Variants in RYR1 observed in about 807,000 individuals in gnomAD.
RYR1 encodes the protein central core disease of muscle.
RYR1 carries 342 observed loss-of-function variants against 583.5 expected under a neutral mutation model. The ratio of observed to expected loss-of-function variants is 0.59; its 90% CI spans 0.54 to 0.64. The LOEUF is 0.64. Among genes scored for constraint, RYR1 ranks in the 30% least tolerant of loss-of-function variants. The pLI is 0.00. For missense variants in RYR1, 6,032 were observed against 6,917.2 expected (o/e 0.87, Z 4.54); for synonymous variants, 2,791 against 2,822.5 (o/e 0.99, Z 0.35).
At position 38,528,391 on chromosome 19, in the gene RYR1, G is replaced by A. The variant is rs747528384; in HGVS notation, c.10910G>A (p.Arg3637His). Reference sequence around the variant, plus strand: ...CGGCGGGCAGTCGTGGCCTGTTTCCGTATGACGCCCCTGTACAACCTGCCC... The same window carrying A: ...CGGCGGGCAGTCGTGGCCTGTTTCCATATGACGCCCCTGTACAACCTGCCC... ...QRRRAVVACF[R>H]MTPLYNLPTH... is the part of the protein sequence containing the mutation. The change falls in exon 74 of 106, where the codon CGT (arginine) becomes CAT (histidine). Residue 3637 changes from arginine to histidine, a missense_variant. Physicochemically the swap from Arg to His is conservative, Grantham distance 29 (BLOSUM62 0). Around this residue, in one of 11 missense-constraint regions of RYR1, gnomAD observed 1,493 missense variants for 1,715.5 expected, o/e 0.87. Coordinates refer to ENST00000359596, the MANE Select transcript of RYR1 (RefSeq NM_000540.3). 5.0e-6 allele frequency: 8 copies of A among 1,614,142 alleles called. No homozygotes were observed. The highest frequency in any genetic ancestry group is 2.2e-5 in the East Asian group (1 of 44,880).
chr19:38,585,302 GA>G (rs1182806614), intron 102 of RYR1, among the ~76,000 whole-genome samples: 1 of 151,464 alleles, frequency 6.6e-6, no homozygotes, highest in Non-Finnish European at 1.5e-5. Context: ...CATAGGTTGT[GA>G]TCAGGATTAA....
Position 38,517,374 on chromosome 19 carries a change from A to G in RYR1, c.9701A>G (p.Asn3234Ser), listed in dbSNP as rs539829239. Reference sequence around the variant, plus strand: ...TGTACCCCAGTCCTGGGGCTCCCCAACAGTGTGGAGGAGATGTGTCCCGAC... The same window carrying G: ...TGTACCCCAGTCCTGGGGCTCCCCAGCAGTGTGGAGGAGATGTGTCCCGAC... ...PRERAILGLP[N>S]SVEEMCPDIP... Residue 3234 changes from asparagine (N) to serine (S), a missense_variant, in exon 66 of 106, where the codon AAC becomes AGC. Physicochemically the swap from Asn to Ser is conservative, Grantham distance 46. Around this residue, in one of 11 missense-constraint regions of RYR1, gnomAD observed 1,493 missense variants for 1,715.5 expected, o/e 0.87. Coordinates refer to ENST00000359596, the MANE Select transcript of RYR1 (RefSeq NM_000540.3). 1.7e-5 allele frequency: 27 copies of G among 1,613,790 alleles called. No homozygotes were observed. In the East Asian group the frequency reaches 3.1e-4, roughly 19 times the overall value.
intron 65 of RYR1, 55 bp downstream of exon 65, chr19:38,516,272 G>A (rs1005596069): frequency 6.5e-7 from 1 of 1,537,574 alleles, no homozygotes; most frequent in Non-Finnish European, 8.8e-7. Context: ...CCAGCACAGG[G>A]CCTTGGGGAG....
intron 20 of RYR1, 138 bp from the exon 21 acceptor site, chr19:38,463,285 G>T: frequency 1.4e-6 from 1 of 711,362 alleles, no homozygotes. Context: ...GCGAGGGATG[G>T]GGAGCAGGGC....
intron 99 of RYR1, among the ~76,000 whole-genome samples, 181 bp from the exon 100 acceptor site, chr19:38,579,801 G>T (rs1221711826): frequency 6.6e-6 from 1 of 151,936 alleles, no homozygotes; most frequent in Non-Finnish European, 1.5e-5. Context: ...TTCTGGAGGG[G>T]GCTCTCATCT....
intron 93 of RYR1, among the ~76,000 whole-genome samples, chr19:38,569,211 C>T (rs550449050): frequency 9.9e-5 from 15 of 152,212 alleles, no homozygotes; most frequent in Admixed American, 1.3e-4. Context: ...GGGGTTTCAC[C>T]GTGTTAGCCA....
chr19:38,463,142 C>CCA (rs1555772016), intron 20 of RYR1, among the ~76,000 whole-genome samples: 1 of 31,666 alleles, frequency 3.2e-5, no homozygotes, highest in Non-Finnish European at 7.6e-5. Context: ...AGGCGATCTG[C>CCA]CCCCCCCCCC....
intron 89 of RYR1, among the ~76,000 whole-genome samples, chr19:38,550,407 A>G (rs1031172711): frequency 2.6e-5 from 4 of 152,168 alleles, no homozygotes; most frequent in Non-Finnish European, 5.9e-5. Flanking sequence ...CATCATTATC[A>G]GACTAGGGTT....
chr19:38,446,501 C>G lies in RYR1; in HGVS notation c.661C>G (p.Leu221Val). Residue 221 changes from leucine (L) to valine (V), a missense_variant, in exon 8 of 106, where the codon CTC becomes GTC. Transcript: ENST00000359596. ...CGTGACGGGAGGTCACGTCCTCCGC[C>G]TCTTTCATGGACATATGGATGAGTG... ...GFVTGGHVLR[L>V]FHGHMDECLT... 1 of 1,614,182 alleles carries G rather than the reference C, an allele frequency of 6.2e-7. No individual in the cohort carries two copies. The highest frequency in any genetic ancestry group is 8.5e-7 in the Non-Finnish European group (1 of 1,180,014).
chr19:38,483,110 G>A lies in RYR1; in HGVS notation c.4704G>A (p.Gln1568=). ...TCATCCAGTTTGAGCTGGGGAAGCA[G>A]AAGGTACAAGTGCAGTGATGGGGGC... ...QNVIQFELGK[Q]KNIMPLSAAM... is the part of the protein sequence containing the mutation. The change falls in exon 32 of 106, where the codon CAG becomes CAA. Residue 1568 remains glutamine, a synonymous_variant. Coordinates refer to ENST00000359596, the MANE Select transcript of RYR1 (RefSeq NM_000540.3). The surrounding 1 kb of genome is among the most constrained non-coding windows in gnomAD (Gnocchi z 6.3). 2.5e-6 allele frequency: 4 copies of A among 1,614,030 alleles called. No individual in the cohort carries two copies. Among genetic ancestry groups the A allele is most frequent in the Admixed American group, 3.3e-5 (2 of 60,002 alleles).
rs1974143342 is a variant in RYR1, at chr19:38,580,338, G to T, written c.14512-32G>T. ...AGGGTGGGGGGAGGGCAAGCCCAGG[G>T]CGGAGCTGACCTGGCCCCATCCTGC... On this transcript the variant is annotated intron_variant, in intron 100 of 105. Coordinates refer to ENST00000359596, the MANE Select transcript of RYR1 (RefSeq NM_000540.3). The T allele has an allele frequency of 1.9e-6, 3 of 1,612,884 alleles. No homozygotes were observed. In the East Asian group the frequency reaches 6.7e-5, roughly 36 times the overall value.
chr19:38,448,612 G>T (rs1327005181), intron 10 of RYR1, 37 bp from the exon 11 acceptor site: 1 of 1,614,166 alleles, frequency 6.2e-7, no homozygotes. Context: ...TAAACACACA[G>T]GCAGAGGAGG....
intron 11 of RYR1, among the ~76,000 whole-genome samples, chr19:38,451,214 G>A (rs1967058789): frequency 6.6e-6 from 1 of 152,354 alleles, no homozygotes; most frequent in Non-Finnish European, 1.5e-5. Flanking sequence ...GACGGGGCCT[G>A]GGCCATGTCC....
In RYR1 at chr19:38,445,186, GCAGAGGAGCCTGGGTGA is replaced by G. The variant is rs542148685; in HGVS notation, c.631+515_631+531del. 3.2e-3 allele frequency among the ~76,000 whole-genome samples: 411 copies of G among 127,138 alleles called. 1 individual carries two copies. The highest frequency in any genetic ancestry group is 0.012 in the African/African-American group (398 of 33,274). The allele number at this position is 127,138 out of a possible 152,430, so 83.4% of individuals were successfully genotyped here. A position where few individuals can be genotyped will look rare whatever the true frequency, so the allele number is the denominator to read the frequency against. On this transcript the variant is annotated intron_variant, in intron 7 of 105. Coordinates refer to ENST00000359596, the MANE Select transcript of RYR1 (RefSeq NM_000540.3). Reference sequence around the variant, plus strand: ...CAGGAGAATTGCTTGAACCTGGGTGGCAGAGGAGCCTGGGTGACAGAGCCAGACTCTGCCTCAAAAAA... The same window carrying G: ...CAGGAGAATTGCTTGAACCTGGGTGGCAGAGCCAGACTCTGCCTCAAAAAA...
chr19:38,507,834 A>G lies in RYR1; in HGVS notation c.8932+7A>G, dbSNP rs371014602. The G allele has an allele frequency of 6.3e-7, 1 of 1,578,372 alleles. No individual in the cohort carries two copies. The highest frequency in any genetic ancestry group is 1.4e-5 in the African/African-American group (1 of 71,300). ...GAGTTCATTGCCCACCTGGGTACGGAGAAATACCCCCCGCTTATGCCCGCC... is the reference window on the plus strand; with the variant it reads ...GAGTTCATTGCCCACCTGGGTACGGGGAAATACCCCCCGCTTATGCCCGCC... On this transcript the variant is annotated splice_region_variant and intron_variant, in intron 58 of 105. Coordinates refer to ENST00000359596, the MANE Select transcript of RYR1 (RefSeq NM_000540.3).
chr19:38,466,659 G>A (rs1430183026), intron 24 of RYR1, among the ~76,000 whole-genome samples: 5 of 151,798 alleles, frequency 3.3e-5, no homozygotes, highest in African/African-American at 4.8e-5. Flanking sequence ...GTGCCACCAC[G>A]CCTGGCTAAT....
At chr19:38,479,168 C>T (rs1444509040) in intron 31 of RYR1, among the ~76,000 whole-genome samples, 1 of 152,156 alleles carries the variant, frequency 6.6e-6, no homozygotes, top group Non-Finnish European at 1.5e-5. Flanking sequence ...CTAGGATGGG[C>T]CAGAATCCTA....
intron 49 of RYR1, 136 bp from the exon 50 acceptor site, chr19:38,504,084 A>G (rs1970326462): frequency 1.1e-6 from 1 of 937,514 alleles, no homozygotes. Context: ...TTCCCTTATT[A>G]GCATATCATT....
At chr19:38,587,132 C>T (rs914310440) in intron 105 of RYR1, among the ~76,000 whole-genome samples, 193 bp from the exon 106 acceptor site, 1 of 151,878 alleles carries the variant, frequency 6.6e-6, no homozygotes, top group African/African-American at 2.4e-5. Flanking sequence ...TGGTGGTGTG[C>T]ACCTGTAGTC....
Sources: gnomAD v4.1 joint callset for allele counts (sites outside exome capture counted in the v4.1 genomes callset) on GRCh38, gnomAD v4.1.1 for gene constraint, gnomAD v4.1.1 regional missense constraint, Gnocchi (gnomAD v3.1) non-coding constraint, MANE v1.5 for transcripts, NCBI Gene and HGNC (gene_info 2026-07-23, HGNC 2026-07-21) for gene names.